Variants in CCDC88A observed in about 807,000 individuals in gnomAD.
The protein encoded by CCDC88A is coiled-coil and HOOK domain protein 88A, also known as girdin.
In CCDC88A, 54 loss-of-function variants were observed where a neutral mutation model predicts 234.3. That is an observed-to-expected ratio of 0.23 (90% confidence interval 0.19 to 0.29). The LOEUF is 0.29. CCDC88A is among the 10% of genes least tolerant of loss of function. The probability of loss-of-function intolerance (pLI) is 1.00; values close to 1 mark genes in which losing one functional copy is unlikely to be tolerated. For synonymous variants in CCDC88A, 753 were observed against 737.8 expected, an observed-to-expected ratio of 1.02 and a Z score of -0.33; for missense variants, 1,832 against 2,123.4, an observed-to-expected ratio of 0.86 and a Z score of 2.70.
chr2:55,296,386 C>A lies in CCDC88A; in HGVS notation c.4963G>T (p.Val1655Leu). The A allele has an allele frequency of 3.7e-6, 6 of 1,614,166 alleles. No homozygotes were observed. Among genetic ancestry groups the A allele is most frequent in the Non-Finnish European group, 5.1e-6 (6 of 1,180,022 alleles). Residue 1655 changes from valine (V) to leucine (L), a missense_variant, in exon 30 of 33, where the codon GTG becomes TTG. This residue lies in a region of CCDC88A where 422 missense variants were observed against 416.5 expected (regional missense o/e 1.01). Coordinates refer to ENST00000436346, the MANE Select transcript of CCDC88A (RefSeq NM_001365480.1). ...GTTTCAGATATTTTGTGCTGGAGCA[C>A]TGGGCTTGATCTGGTCTGTCTTTTC... The part of the protein sequence containing the change: ...YLKRQTRSSP[V>L]LQHKISETLE...
At chr2:55,299,198 C>T (rs1003709652) in intron 29 of CCDC88A, among the ~76,000 whole-genome samples, 2 of 151,968 alleles carry the variant, frequency 1.3e-5, no homozygotes, top group Non-Finnish European at 2.9e-5. Context: ...AGTGAGACTC[C>T]GTCTCAAAAC....
Position 55,318,919 on chromosome 2 carries a change from A to C in CCDC88A, c.3248T>G (p.Ile1083Ser). The C allele has an allele frequency of 6.2e-7, 1 of 1,613,438 alleles. No individual in the cohort carries two copies. ...ETQNNNLQAQ[I>S]LALQRQTVSL... ...CACTGTCTGCCTCTGAAGTGCAAGA[A>C]TCTGAGCCTGCAAATTATTGTTCTG... Residue 1083 changes from isoleucine (I) to serine (S), a missense_variant, in exon 19 of 33, where the codon ATT becomes AGT. Around this residue, in one of 6 missense-constraint regions of CCDC88A, gnomAD observed 1,282 missense variants for 1,543.6 expected, o/e 0.83. Coordinates refer to ENST00000436346, the MANE Select transcript of CCDC88A (RefSeq NM_001365480.1).
intron 13 of CCDC88A, chr2:55,337,487 A>G (rs987208796): frequency 2.0e-5 from 3 of 152,234 alleles, no homozygotes; most frequent in Non-Finnish European, 2.9e-5. Context: ...TAAAAAATCA[A>G]GAAGACTTTA....
chr2:55,298,227 G>T (rs1680428142), intron 29 of CCDC88A, among the ~76,000 whole-genome samples: 1 of 151,816 alleles, frequency 6.6e-6, no homozygotes, highest in East Asian at 1.9e-4. Context: ...GGCCACGAAA[G>T]AATTTGGCTC....
intron 5 of CCDC88A, among the ~76,000 whole-genome samples, chr2:55,367,528 G>GTTTTTTTTTTTTTTTTTTTTTTTGTTTT: frequency 1.0e-5 from 1 of 99,890 alleles, no homozygotes; most frequent in Non-Finnish European, 2.0e-5. Context: ...TTATTTCCTT[G>GTTTTTTTTTTTTTTTTTTTTTTTGTTTT]TTTTTTTTTA....
Position 55,343,637 on chromosome 2 carries a change from A to G in CCDC88A, c.1333+11T>C. 6.3e-7 allele frequency: 1 copy of G among 1,581,532 alleles called. No homozygotes were observed. The highest frequency in any genetic ancestry group is 8.6e-7 in the Non-Finnish European group (1 of 1,167,700). On this transcript the variant is annotated intron_variant, in intron 12 of 32. Transcript: ENST00000436346. ...TCGATTATCTATTTAAATTAAAAAA[A>G]TTGGGAATACCTTCGGAAAGTTCAC...
At chr2:55,376,960 A>G (rs1466037926) in intron 3 of CCDC88A, among the ~76,000 whole-genome samples, 2 of 151,978 alleles carry the variant, frequency 1.3e-5, no homozygotes, top group East Asian at 3.9e-4. Context: ...CGTCCCGAGT[A>G]GCTGGGATTA....
At chr2:55,398,592 G>A (rs569743335) in intron 2 of CCDC88A, among the ~76,000 whole-genome samples, 9 of 152,204 alleles carry the variant, frequency 5.9e-5, no homozygotes, top group African/African-American at 2.2e-4. Flanking sequence ...GAGAGGGACT[G>A]CCCTCAGGTG....
rs780311931 is a variant in CCDC88A, at chr2:55,343,631, A to T, written c.1333+17T>A. ...CATGATTCGATTATCTATTTAAATT[A>T]AAAAAATTGGGAATACCTTCGGAAA... On this transcript the variant is annotated intron_variant, in intron 12 of 32. Transcript: ENST00000436346. 142 of 1,572,054 alleles carry T rather than the reference A, an allele frequency of 9.0e-5. No individual in the cohort carries two copies. The highest frequency in any genetic ancestry group is 2.7e-4 in the African/African-American group (20 of 72,938).
Position 55,387,654 on chromosome 2 carries a change from C to A in CCDC88A, c.273+1124G>T, listed in dbSNP as rs565384146. Among the ~76,000 whole-genome samples, 23 of 151,330 alleles carry A rather than the reference C, an allele frequency of 1.5e-4. No homozygotes were observed. In the East Asian group the frequency reaches 4.5e-3, roughly 29 times the overall value. ...AAAATTAGCTGGACACGGTGGTGCACACCTATAGTCCCAGCTACTCAGGAG... is the reference window on the plus strand; with the variant it reads ...AAAATTAGCTGGACACGGTGGTGCAAACCTATAGTCCCAGCTACTCAGGAG... On this transcript the variant is annotated intron_variant, in intron 3 of 32. Transcript: ENST00000436346.
Position 55,388,871 on chromosome 2 carries a change from C to T in CCDC88A, c.180G>A (p.Glu60=), listed in dbSNP as rs772583806. 3 of 1,387,040 alleles carry T rather than the reference C, an allele frequency of 2.2e-6. No individual in the cohort carries two copies. The highest frequency in any genetic ancestry group is 3.0e-6 in the Non-Finnish European group (3 of 1,001,278). The allele number at this position is 1,387,040 out of a possible 1,614,324, so 85.9% of individuals were successfully genotyped here. The change falls in exon 3 of 33, where the codon GAG becomes GAA. Residue 60 remains glutamate, a synonymous_variant. Transcript: ENST00000436346. ...TGACTTTTTTATTTACTCTCTGACT[C>T]TCCAATTTAGGATTACTGTAAGAAA... ...QVMLQINPKL[E]SQRVNKKVNN...
At chr2:55,390,053 A>AAAAAAAAAAAAAAAAAAAACAAAAAG (rs377022377) in intron 2 of CCDC88A, among the ~76,000 whole-genome samples, 1 of 79,770 alleles carries the variant, frequency 1.3e-5, no homozygotes, top group East Asian at 5.4e-4. Context: ...AAAAAAATAA[A>AAAAAAAAAAAAAAAAAAAACAAAAAG]AAATAAAGAT....
chr2:55,339,802 A>G, intron 12 of CCDC88A, 154 bp from the exon 13 acceptor site: 1 of 543,392 alleles, frequency 1.8e-6, no homozygotes, highest in Admixed American at 3.9e-5. Context: ...TAAACAAGAT[A>G]AAAGAAGTAA....
chr2:55,301,968 C>G lies in CCDC88A; in HGVS notation c.4576G>C (p.Glu1526Gln). Residue 1526 changes from glutamate to glutamine, a missense_variant, in exon 27 of 33, where the codon GAA becomes CAA. Glu to Gln is a conservative substitution (Grantham distance 29). This residue lies in a region of CCDC88A where 422 missense variants were observed against 416.5 expected (regional missense o/e 1.01). Coordinates refer to ENST00000436346, the MANE Select transcript of CCDC88A (RefSeq NM_001365480.1). The stretch of plus-strand genomic sequence containing the variant: ...GTAGAGAAGGCCATAGCTCCCAATT[C>G]TTTTCTCCTTTTACCCGTTGAAATA... ...DDISTGKRRKELGAMAFSTTA... is the reference protein window; with the variant it reads ...DDISTGKRRKQLGAMAFSTTA... 1 of 1,614,130 alleles carries G rather than the reference C, an allele frequency of 6.2e-7. No individual in the cohort carries two copies. Among genetic ancestry groups the G allele is most frequent in the Non-Finnish European group, 8.5e-7 (1 of 1,179,988 alleles).
chr2:55,354,705 A>G (rs1233289572), intron 8 of CCDC88A, among the ~76,000 whole-genome samples: 1 of 150,748 alleles, frequency 6.6e-6, no homozygotes, highest in Non-Finnish European at 1.5e-5. Flanking sequence ...CTGGGATTAC[A>G]GGCGCACCCC....
intron 16 of CCDC88A, among the ~76,000 whole-genome samples, chr2:55,330,649 T>G (rs1281149110): frequency 6.6e-6 from 1 of 152,158 alleles, no homozygotes; most frequent in Admixed American, 6.5e-5. Flanking sequence ...GAAGCTAGTT[T>G]AGTAGTTCAA....
intron 12 of CCDC88A, among the ~76,000 whole-genome samples, chr2:55,342,921 G>A (rs540416325): frequency 6.6e-6 from 1 of 152,202 alleles, no homozygotes; most frequent in Admixed American, 6.5e-5. Flanking sequence ...CAAAACTGAG[G>A]AGTTTTGAAA....
chr2:55,402,537 A>G (rs1001454536), intron 2 of CCDC88A, among the ~76,000 whole-genome samples: 2 of 152,336 alleles, frequency 1.3e-5, no homozygotes, highest in Admixed American at 6.5e-5. Context: ...AACTCTATCA[A>G]TGAACTTTTC....
chr2:55,332,735 G>A lies in CCDC88A; in HGVS notation c.2728-42C>T. ...TGCAAAACTCACCTAAGTGTCAAGG[G>A]TATAAACATCTAAGAAAGTCAGCTA... is the stretch of plus-strand genomic sequence containing the variant. On this transcript the variant is annotated intron_variant, in intron 15 of 32. Coordinates refer to ENST00000436346, the MANE Select transcript of CCDC88A (RefSeq NM_001365480.1). This position sits in a 1 kb window ranked among gnomAD's most constrained non-coding sequence, Gnocchi z 4.5. 1.3e-6 allele frequency: 2 copies of A among 1,591,416 alleles called. No individual in the cohort carries two copies. The highest frequency in any genetic ancestry group is 1.7e-6 in the Non-Finnish European group (2 of 1,165,008).
Sources: gnomAD v4.1 joint callset for allele counts (sites outside exome capture counted in the v4.1 genomes callset) on GRCh38, gnomAD v4.1.1 for gene constraint, gnomAD v4.1.1 regional missense constraint, Gnocchi (gnomAD v3.1) non-coding constraint, MANE v1.5 for transcripts, NCBI Gene and HGNC (gene_info 2026-07-23, HGNC 2026-07-21) for gene names.